Variants in ZIC3 observed in about 807,000 individuals in gnomAD.
ZIC3 encodes zinc finger protein ZIC 3.
Under a neutral mutation model 18.3 loss-of-function variants are expected in ZIC3, and 6 were observed. The ratio of observed to expected loss-of-function variants is 0.33; its 90% CI spans 0.18 to 0.65. ZIC3 has a LOEUF of 0.65. ZIC3 is among the 30% of genes least tolerant of loss of function. ZIC3 has a pLI of 0.75. For missense variants in ZIC3, 260 were observed against 410.0 expected, an observed-to-expected ratio of 0.63 and a Z score of 3.16; for synonymous variants, 175 against 177.0, an observed-to-expected ratio of 0.99 and a Z score of 0.09.
chrX:137,569,020 C>T lies in ZIC3; in HGVS notation c.1179C>T (p.Cys393=), dbSNP rs754070677. The change falls in exon 2 of 3, where the codon TGC becomes TGT. Residue 393 remains cysteine (C), a synonymous_variant. Coordinates refer to ENST00000287538, the MANE Select transcript of ZIC3 (RefSeq NM_003413.4). ...ACAAGCCCTATATCTGCAAAGTGTG[C>T]GACAAGTCCTACACGCACCCGAGCT... is the stretch of plus-strand genomic sequence containing the variant. ...TSDKPYICKV[C]DKSYTHPSSL... is the part of the protein sequence containing the mutation. 37 of 1,209,002 alleles carry T rather than the reference C, an allele frequency of 3.1e-5. No individual in the cohort carries two copies. The highest frequency in any genetic ancestry group is 4.0e-5 in the Non-Finnish European group (36 of 895,018).
intron 2 of ZIC3, 46 bp from the exon 3 acceptor site, chrX:137,569,845 G>T: frequency 8.6e-7 from 1 of 1,162,038 alleles, no homozygotes. Context: ...CTTGCACATT[G>T]CCAGTTGGAA....
intron 2 of ZIC3, 28 bp downstream of exon 2, chrX:137,569,093 G>A: frequency 2.5e-6 from 3 of 1,210,347 alleles, no homozygotes; most frequent in Non-Finnish European, 3.4e-6. Flanking sequence ...AGCGGTCGGC[G>A]GTTTGTAAAC....
chrX:137,573,493 G>A (rs1003376737), downstream of ZIC3, among the ~76,000 whole-genome samples: 2 of 111,695 alleles, frequency 1.8e-5, no homozygotes, highest in Non-Finnish European at 3.8e-5. Flanking sequence ...GGAGTGTTCA[G>A]GACTTCCTCG....
In ZIC3 at chrX:137,571,524, T is replaced by TA; in HGVS notation, c.*1455dup. The TA allele has an allele frequency of 8.9e-6, 1 of 112,696 alleles. No individual in the cohort carries two copies. The highest frequency in any genetic ancestry group is 4.6e-3 in the Middle Eastern group (1 of 219). 9.3% of individuals were successfully genotyped at this position (112,696 alleles called of 1,213,427 possible). A position where few individuals can be genotyped will look rare whatever the true frequency, so the allele number is the denominator to read the frequency against. On this transcript the variant is annotated 3_prime_UTR_variant, in exon 3 of 3. Transcript: ENST00000287538. ...GGCAAAGGCTGATTTGTTTGCTGTA[T>TA]ATAGTTCAATTCATAATTATCGCAA...
intron 1 of ZIC3, 60 bp downstream of exon 1, chrX:137,567,811 C>T: frequency 8.3e-7 from 1 of 1,210,429 alleles, no homozygotes; most frequent in Non-Finnish European, 1.1e-6. Context: ...ACGCAGCGGA[C>T]TTAGAGCGCG....
Position 137,570,656 on chromosome X carries a change from C to CT in ZIC3, c.*595dup, listed in dbSNP as rs776380867. The CT allele has an allele frequency of 1.2e-4, 13 of 112,697 alleles. No individual in the cohort carries two copies. Among genetic ancestry groups the CT allele is most frequent in the Middle Eastern group, 4.6e-3 (1 of 216 alleles). The allele number at this position is 112,697 out of a possible 1,213,427, so 9.3% of individuals were successfully genotyped here. On this transcript the variant is annotated 3_prime_UTR_variant, in exon 3 of 3. Coordinates refer to ENST00000287538, the MANE Select transcript of ZIC3 (RefSeq NM_003413.4). ...AGTATACAGTTGCCTTTTGTAATAA[C>CT]TTTTTTTTTGTAAATACATATCCAT...
chrX:137,568,339 G>GATCGATCTATCT (rs1175249301), intron 1 of ZIC3, among the ~76,000 whole-genome samples: 12 of 79,788 alleles, frequency 1.5e-4, no homozygotes, highest in South Asian at 1.4e-3. Context: ...TGGATCGATC[G>GATCGATCTATCT]ATCTATCTAT....
downstream of ZIC3, among the ~76,000 whole-genome samples, chrX:137,572,258 A>C (rs941509242): frequency 3.5e-5 from 4 of 112,701 alleles, no homozygotes; most frequent in Non-Finnish European, 7.5e-5. Flanking sequence ...GTCAACAGAC[A>C]ATTAGTTATT....
Position 137,566,852 on chromosome X carries a change from C to G in ZIC3, c.161C>G (p.Ala54Gly). 8.6e-7 allele frequency: 1 copy of G among 1,163,066 alleles called. No homozygotes were observed. Among genetic ancestry groups the G allele is most frequent in the Non-Finnish European group, 1.1e-6 (1 of 872,702 alleles). ...GCCGCCGCCGCCGCCGCCGCCGCCG[C>G]TGCCTTCAAGCTGAGCCCTGCCGCG... The part of the protein sequence containing the change: ...THAAAAAAAA[A>G]AFKLSPAAAH... The change falls in exon 1 of 3, where the codon GCT (alanine) becomes GGT (glycine). Residue 54 changes from alanine (A) to glycine (G), a missense_variant. Ala to Gly is a moderately conservative substitution (Grantham distance 60). This residue lies in a region of ZIC3 where 183 missense variants were observed against 223.8 expected (regional missense o/e 0.82). Coordinates refer to ENST00000287538, the MANE Select transcript of ZIC3 (RefSeq NM_003413.4).
downstream of ZIC3, among the ~76,000 whole-genome samples, chrX:137,575,455 A>G (rs146265348): frequency 4.3e-3 from 476 of 111,767 alleles, 3 homozygotes; most frequent in African/African-American, 0.014. Context: ...AACCCCTGGT[A>G]GCTCTGGGAT....
At chrX:137,575,777 C>G (rs1240934119), downstream of ZIC3, among the ~76,000 whole-genome samples, 1 of 111,641 alleles carries the variant, frequency 9.0e-6, no homozygotes, top group African/African-American at 3.3e-5. Context: ...TGGCCCAGAT[C>G]TGGGGGGAAA....
In ZIC3 at chrX:137,571,113, T is replaced by C. The variant is rs978854459; in HGVS notation, c.*1043T>C. The C allele has an allele frequency of 8.9e-6, 1 of 112,622 alleles. No individual in the cohort carries two copies. Among genetic ancestry groups the C allele is most frequent in the African/African-American group, 3.2e-5 (1 of 30,906 alleles). The allele number at this position is 112,622 out of a possible 1,213,427, so 9.3% of individuals were successfully genotyped here. ...TTTCGGCATGCAAATCAAATATTAC[T>C]GATCAATTCAGTTAGTGGCCATGAC... On this transcript the variant is annotated 3_prime_UTR_variant, in exon 3 of 3. Coordinates refer to ENST00000287538, the MANE Select transcript of ZIC3 (RefSeq NM_003413.4).
chrX:137,569,858 A>G, intron 2 of ZIC3, 33 bp from the exon 3 acceptor site: 2 of 1,184,911 alleles, frequency 1.7e-6, no homozygotes, highest in Non-Finnish European at 2.3e-6. Context: ...AGTTGGAATT[A>G]TATTCATTAT....
chrX:137,567,860 C>G, intron 1 of ZIC3, 109 bp downstream of exon 1: 1 of 1,153,602 alleles, frequency 8.7e-7, no homozygotes, highest in Non-Finnish European at 1.2e-6. Context: ...GGCGACGCCC[C>G]GCAACGGCCG....
Position 137,567,507 on chromosome X carries a change from C to T in ZIC3, c.816C>T (p.Phe272=), listed in dbSNP as rs760583163. The change falls in exon 1 of 3, where the codon TTC becomes TTT. Residue 272 remains phenylalanine, a synonymous_variant. Transcript: ENST00000287538. Reference sequence around the variant, plus strand: ...CCAAGAAGAGCTGCGACCGGACCTTCAGCACCATGCATGAGCTGGTGACAC... The same window carrying T: ...CCAAGAAGAGCTGCGACCGGACCTTTAGCACCATGCATGAGCTGGTGACAC... ...SRPKKSCDRT[F]STMHELVTHV... 51 of 1,210,786 alleles carry T rather than the reference C, an allele frequency of 4.2e-5. No individual in the cohort carries two copies. The highest frequency in any genetic ancestry group is 5.5e-5 in the Non-Finnish European group (49 of 895,429).
chrX:137,569,420 G>C (rs1432619132), intron 2 of ZIC3, among the ~76,000 whole-genome samples: 1 of 112,177 alleles, frequency 8.9e-6, no homozygotes, highest in Non-Finnish European at 1.9e-5. Context: ...TGGTTCATTC[G>C]CTCTTTGGCT....
Position 137,568,335 on chromosome X carries a change from GATCGATCTATCT to G in ZIC3, c.1061-563_1061-552del, listed in dbSNP as rs1364561710. On this transcript the variant is annotated intron_variant, in intron 1 of 2. Coordinates refer to ENST00000287538, the MANE Select transcript of ZIC3 (RefSeq NM_003413.4). The stretch of plus-strand genomic sequence containing the variant: ...AAAACTGTCTGGAGCCCCCTGGATC[GATCGATCTATCT>G]ATCTATCTATCTATCTATCTATCTA... Among the ~76,000 whole-genome samples, 393 of 70,261 alleles carry G rather than the reference GATCGATCTATCT, an allele frequency of 5.6e-3. 1 individual carries two copies. Among genetic ancestry groups the G allele is most frequent in the South Asian group, 0.033 (45 of 1,357 alleles). The allele number at this position is 70,261 out of a possible 115,157, so 61.0% of individuals were successfully genotyped here.
At chrX:137,576,300 C>T (rs771779403), downstream of ZIC3, among the ~76,000 whole-genome samples, 1 of 111,857 alleles carries the variant, frequency 8.9e-6, no homozygotes, top group Admixed American at 9.5e-5. Flanking sequence ...AAAGCTTTAG[C>T]CAATGGTTAG....
In ZIC3 at chrX:137,567,566, A is replaced by G. The variant is rs2124184240; in HGVS notation, c.875A>G (p.Gln292Arg). 8.2e-7 allele frequency: 1 copy of G among 1,212,524 alleles called. No individual in the cohort carries two copies. Among genetic ancestry groups the G allele is most frequent in the East Asian group, 3.0e-5 (1 of 33,836 alleles). ...VTMEHVGGPE[Q>R]NNHVCYWEEC... ...ATGGAGCATGTGGGGGGCCCGGAGCAGAACAACCACGTCTGCTACTGGGAG... is the reference window on the plus strand; with the variant it reads ...ATGGAGCATGTGGGGGGCCCGGAGCGGAACAACCACGTCTGCTACTGGGAG... The change falls in exon 1 of 3, where the codon CAG becomes CGG. Residue 292 changes from glutamine to arginine, a missense_variant. Physicochemically the swap from Gln to Arg is conservative, Grantham distance 43. This residue lies in a region of ZIC3 where 25 missense variants were observed against 58.6 expected (regional missense o/e 0.43). Transcript: ENST00000287538.
Sources: gnomAD v4.1 joint callset for allele counts (sites outside exome capture counted in the v4.1 genomes callset) on GRCh38, gnomAD v4.1.1 for gene constraint, gnomAD v4.1.1 regional missense constraint, MANE v1.5 for transcripts, NCBI Gene and HGNC (gene_info 2026-07-23, HGNC 2026-07-21) for gene names.